The following EBF2 variants were observed in gnomAD, a reference collection of about 807,000 sequenced individuals.
EBF2 encodes transcription factor COE2.
Under a neutral mutation model 72.8 loss-of-function variants are expected in EBF2, and 21 were observed. That is an observed-to-expected ratio of 0.29 (90% CI 0.20 to 0.42). EBF2 has a LOEUF of 0.42. EBF2 is among the 10% of genes least tolerant of loss of function. The pLI is 1.00. For missense variants in EBF2, 637 were observed against 731.2 expected, an observed-to-expected ratio of 0.87 and a Z score of 1.49; for synonymous variants, 299 against 274.2, an observed-to-expected ratio of 1.09 and a Z score of -0.89.
intron 15 of EBF2, among the ~76,000 whole-genome samples, chr8:25,846,818 ATCCCT>A (rs1358708898): frequency 6.6e-6 from 1 of 152,200 alleles, no homozygotes; most frequent in Non-Finnish European, 1.5e-5. Context: ...TTTGAGATAT[ATCCCT>A]TCCTCCTAGT....
rs984563543 is a variant in EBF2, at chr8:25,956,362, A to T, written c.552-47807T>A. 2.6e-5 allele frequency among the ~76,000 whole-genome samples: 4 copies of T among 151,976 alleles called. No individual in the cohort carries two copies. The East Asian group carries it at 7.7e-4, about 29-fold the overall frequency. ...GGAGGTTGCAGTGAGCCGAGATCGC[A>T]TCATTGTACTCCAGCCTGGGCAACA... On this transcript the variant is annotated intron_variant, in intron 6 of 15. Transcript: ENST00000520164.
rs1801767734 is a variant in EBF2 at position 25,843,169 on chromosome 8, C to T, written c.*1440G>A. The T allele has an allele frequency of 6.6e-6, 1 of 152,142 alleles. No homozygotes were observed. Among genetic ancestry groups the T allele is most frequent in the African/African-American group, 2.4e-5 (1 of 41,428 alleles). 9.4% of individuals were successfully genotyped at this position (152,142 alleles called of 1,614,324 possible). ...CTGTGCTGCATAGAACGCAGATGCC[C>T]CTAATCTCTGGATCTCCCAAGAATC... On this transcript the variant is annotated 3_prime_UTR_variant, in exon 16 of 16. Coordinates refer to ENST00000520164, the MANE Select transcript of EBF2 (RefSeq NM_022659.4).
chr8:25,880,293 C>T (rs145080085), intron 10 of EBF2, among the ~76,000 whole-genome samples: 3 of 152,056 alleles, frequency 2.0e-5, no homozygotes, highest in African/African-American at 7.2e-5. Flanking sequence ...CTTGATGGTG[C>T]CTGTCTTTGG....
intron 6 of EBF2, among the ~76,000 whole-genome samples, chr8:25,913,907 C>G (rs564947803): frequency 6.6e-6 from 1 of 152,216 alleles, no homozygotes; most frequent in East Asian, 1.9e-4. Context: ...AATTGAGTTT[C>G]ATTGTTTGTG....
chr8:25,965,826 A>T (rs1804105497), intron 6 of EBF2, among the ~76,000 whole-genome samples: 1 of 152,258 alleles, frequency 6.6e-6, no homozygotes, highest in African/African-American at 2.4e-5. Context: ...TTACTAGAAC[A>T]GTAAACAGCA....
chr8:25,934,520 G>T (rs936043901), intron 6 of EBF2, among the ~76,000 whole-genome samples: 1 of 152,122 alleles, frequency 6.6e-6, no homozygotes, highest in Non-Finnish European at 1.5e-5. Flanking sequence ...GGAAGCACAC[G>T]AATCCAAATT....
chr8:26,032,757 G>T (rs560414877), intron 6 of EBF2: 9 of 217,890 alleles, frequency 4.1e-5, no homozygotes, highest in African/African-American at 6.8e-5. Flanking sequence ...GGGGCACATT[G>T]CTTCTTCTAG....
At chr8:25,853,845 A>AAAC (rs1554560089) in intron 14 of EBF2, among the ~76,000 whole-genome samples, 4 of 152,300 alleles carry the variant, frequency 2.6e-5, no homozygotes, top group African/African-American at 7.2e-5. Flanking sequence ...AGATGAAAAA[A>AAAC]AAACAGATTA....
At chr8:25,902,184 C>T (rs969972000) in intron 7 of EBF2, among the ~76,000 whole-genome samples, 1 of 152,020 alleles carries the variant, frequency 6.6e-6, no homozygotes, top group East Asian at 1.9e-4. Flanking sequence ...GTGTGCCTGA[C>T]TTCCTCTTCC....
chr8:25,846,312 T>C (rs1406295245), intron 15 of EBF2, among the ~76,000 whole-genome samples: 1 of 152,056 alleles, frequency 6.6e-6, no homozygotes, highest in Non-Finnish European at 1.5e-5. Flanking sequence ...CAATCTATAC[T>C]CATCAACTGG....
At chr8:26,037,574 G>A (rs980190770) in intron 5 of EBF2, among the ~76,000 whole-genome samples, 6 of 152,196 alleles carry the variant, frequency 3.9e-5, no homozygotes. Context: ...GCCCTGTCTA[G>A]CCTGCGCCTT....
intron 6 of EBF2, among the ~76,000 whole-genome samples, chr8:25,954,065 C>A (rs995775630): frequency 1.2e-4 from 18 of 151,676 alleles, no homozygotes; most frequent in African/African-American, 4.4e-4. Context: ...TGCAGAGACT[C>A]GGGAAAAAAA....
At chr8:25,979,548 C>A (rs1281551581) in intron 6 of EBF2, among the ~76,000 whole-genome samples, 1 of 152,264 alleles carries the variant, frequency 6.6e-6, no homozygotes, top group Non-Finnish European at 1.5e-5. Context: ...AAAGAGAGAG[C>A]AGGGCTGGCA....
At chr8:25,929,184 A>G (rs1202775412) in intron 6 of EBF2, among the ~76,000 whole-genome samples, 1 of 152,164 alleles carries the variant, frequency 6.6e-6, no homozygotes, top group Non-Finnish European at 1.5e-5. Flanking sequence ...GTCCTGTGAG[A>G]TATTATCGCA....
chr8:25,992,073 C>G (rs1804553135), intron 6 of EBF2, among the ~76,000 whole-genome samples: 6 of 151,832 alleles, frequency 4.0e-5, no homozygotes, highest in Admixed American at 1.3e-4. Context: ...CTCTGTCACT[C>G]AGGCTAGAGT....
At chr8:25,882,960 C>T (rs1802628584) in intron 10 of EBF2, among the ~76,000 whole-genome samples, 1 of 152,190 alleles carries the variant, frequency 6.6e-6, no homozygotes, top group South Asian at 2.1e-4. Flanking sequence ...TTACGACTTG[C>T]TAAAGGAGCA....
chr8:25,919,845 C>T (rs947769171), intron 6 of EBF2, among the ~76,000 whole-genome samples: 1 of 152,180 alleles, frequency 6.6e-6, no homozygotes, highest in Non-Finnish European at 1.5e-5. Flanking sequence ...TCTATTGCAA[C>T]AACTAACTCA....
chr8:25,854,439 C>G (rs1319980192), intron 14 of EBF2, among the ~76,000 whole-genome samples: 1 of 152,060 alleles, frequency 6.6e-6, no homozygotes, highest in Non-Finnish European at 1.5e-5. Flanking sequence ...TTTCCTTCCA[C>G]CCTCTCTTTC....
At chr8:25,962,307 G>T (rs1157731539) in intron 6 of EBF2, among the ~76,000 whole-genome samples, 1 of 152,138 alleles carries the variant, frequency 6.6e-6, no homozygotes, top group Non-Finnish European at 1.5e-5. Context: ...ACCTGGTTTT[G>T]TGTGGACCCC....
Sources: gnomAD v4.1 joint callset for allele counts (sites outside exome capture counted in the v4.1 genomes callset) on GRCh38, gnomAD v4.1.1 for gene constraint, MANE v1.5 for transcripts, NCBI Gene and HGNC (gene_info 2026-07-23, HGNC 2026-07-21) for gene names.